MEAF6: variants seen among roughly 807,000 people sequenced by gnomAD.
MEAF6 encodes MYST/Esa1 associated factor 6.
In MEAF6, 15 loss-of-function variants were observed where a neutral mutation model predicts 28.9. That is an observed-to-expected ratio of 0.52 (90% confidence interval 0.35 to 0.80). The LOEUF is 0.80. MEAF6 is among the 30% of genes least tolerant of loss of function. MEAF6 has a pLI of 0.01. For synonymous variants in MEAF6, 97 were observed against 88.7 expected, an observed-to-expected ratio of 1.09 and a Z score of -0.53; for missense variants, 178 against 237.5, an observed-to-expected ratio of 0.75 and a Z score of 1.65.
rs1428447786 is a variant in MEAF6, at chr1:37,492,463, TA to T, written c.*1635del. On this transcript the variant is annotated 3_prime_UTR_variant, in exon 7 of 7. Coordinates refer to ENST00000296214, the MANE Select transcript of MEAF6 (RefSeq NM_001270875.3). ...AGAATGCTTCTAGGATTTTTTTTTT[TA>T]AGGAATAATCTAAATATAAGAAACT... 5 of 144,394 alleles carry T rather than the reference TA, an allele frequency of 3.5e-5. No homozygotes were observed. Among genetic ancestry groups the T allele is most frequent in the African/African-American group, 1.3e-4 (5 of 38,882 alleles). 8.9% of individuals were successfully genotyped at this position (144,394 alleles called of 1,614,324 possible).
chr1:37,507,761 G>T (rs1227279434), intron 4 of MEAF6, among the ~76,000 whole-genome samples: 1 of 151,604 alleles, frequency 6.6e-6, no homozygotes, highest in Non-Finnish European at 1.5e-5. Flanking sequence ...GAAAGCGGAG[G>T]TTGCAGTGAG....
chr1:37,499,972 C>T (rs953333394), intron 5 of MEAF6, among the ~76,000 whole-genome samples: 1 of 152,156 alleles, frequency 6.6e-6, no homozygotes, highest in South Asian at 2.1e-4. Flanking sequence ...AGTTTCCTCC[C>T]TACTCTAGAC....
intron 6 of MEAF6, among the ~76,000 whole-genome samples, chr1:37,494,735 G>A (rs1219898622): frequency 2.0e-5 from 3 of 151,826 alleles, no homozygotes; most frequent in African/African-American, 7.3e-5. Context: ...GGAGTCTGAG[G>A]TGGGAGGACG....
Position 37,495,934 on chromosome 1 carries a change from T to A in MEAF6, c.534-16A>T. On this transcript the variant is annotated splice_polypyrimidine_tract_variant and intron_variant, in intron 5 of 6. Coordinates refer to ENST00000296214, the MANE Select transcript of MEAF6 (RefSeq NM_001270875.3). ...CAGATCAATCCTGTGACAGAAAAGA[T>A]AAAAGATATTTCCATTTTAATTTAC... is the stretch of plus-strand genomic sequence containing the variant. 1.2e-6 allele frequency: 2 copies of A among 1,611,390 alleles called. No homozygotes were observed. Among genetic ancestry groups the A allele is most frequent in the South Asian group, 2.2e-5 (2 of 91,022 alleles).
At chr1:37,510,738 T>C (rs1053323311) in intron 2 of MEAF6, among the ~76,000 whole-genome samples, 26 of 152,058 alleles carry the variant, frequency 1.7e-4, no homozygotes, top group Admixed American at 7.2e-4. Flanking sequence ...ATATATTTTT[T>C]TGAGACGGAG....
At chr1:37,510,523 A>G (rs1316193595) in intron 2 of MEAF6, among the ~76,000 whole-genome samples, 1 of 150,432 alleles carries the variant, frequency 6.6e-6, no homozygotes, top group Non-Finnish European at 1.5e-5. Flanking sequence ...CTGGGACTAC[A>G]GGCGCACCCC....
intron 2 of MEAF6, among the ~76,000 whole-genome samples, chr1:37,510,445 G>C (rs956155884): frequency 4.2e-5 from 6 of 141,866 alleles, no homozygotes; most frequent in Non-Finnish European, 9.0e-5. Flanking sequence ...GCAGTGGTGC[G>C]ATCCAGGGTC....
At position 37,490,577 on chromosome 1, in the gene MEAF6, A is replaced by G. The variant is rs1156895893; in HGVS notation, c.*3522T>C. Among the ~76,000 whole-genome samples the G allele has an allele frequency of 6.6e-6, 1 of 152,186 alleles. No individual in the cohort carries two copies. The highest frequency in any genetic ancestry group is 2.4e-5 in the African/African-American group (1 of 41,444). On this transcript the variant is annotated 3_prime_UTR_variant, in exon 7 of 7. Transcript: ENST00000296214. Reference sequence around the variant, plus strand: ...GAGACAGCGTCTTGCTACGTTACTCAGGCTGAAGTGCAGTGGCCATTCACA... The same window carrying G: ...GAGACAGCGTCTTGCTACGTTACTCGGGCTGAAGTGCAGTGGCCATTCACA...
intron 4 of MEAF6, among the ~76,000 whole-genome samples, chr1:37,503,219 G>A (rs1013541273): frequency 1.3e-5 from 2 of 152,214 alleles, no homozygotes; most frequent in Non-Finnish European, 2.9e-5. Context: ...TTACAGGCAT[G>A]AGCCACGCAT....
At chr1:37,513,296 G>A (rs61779866) in intron 2 of MEAF6, 127 bp downstream of exon 2, 149,291 of 670,414 alleles carry the variant, frequency 0.22, 17,953 homozygotes, top group Middle Eastern at 0.31. Context: ...CAGAGTCCAA[G>A]AGTTCAAGTC....
intron 5 of MEAF6, among the ~76,000 whole-genome samples, chr1:37,499,763 T>C (rs1429281798): frequency 4.6e-5 from 7 of 152,212 alleles, no homozygotes; most frequent in African/African-American, 1.7e-4. Context: ...AGATAGCTCC[T>C]AGGATAGGAA....
intron 1 of MEAF6, 46 bp downstream of exon 1, chr1:37,514,602 GAGGCGGGGC>G (rs1216455984): frequency 3.6e-6 from 5 of 1,383,320 alleles, no homozygotes; most frequent in East Asian, 3.2e-5. Context: ...TTGGGGCCTG[GAGGCGGGGC>G]GGGCGCGGAG....
rs77352980 is a variant in MEAF6, at chr1:37,498,409, T to A, written c.534-2491A>T. ...ACTTATAAGAGTAGCTATGTTATTTTTTATTATTATTATTATTATTATTAT... is the reference window on the plus strand; with the variant it reads ...ACTTATAAGAGTAGCTATGTTATTTATTATTATTATTATTATTATTATTAT... On this transcript the variant is annotated intron_variant, in intron 5 of 6. Transcript: ENST00000296214. Among the ~76,000 whole-genome samples, 941 of 122,516 alleles carry A rather than the reference T, an allele frequency of 7.7e-3. 3 individuals carry two copies. The highest frequency in any genetic ancestry group is 0.021 in the East Asian group (81 of 3,860). The allele number at this position is 122,516 out of a possible 152,430, so 80.4% of individuals were successfully genotyped here.
intron 5 of MEAF6, chr1:37,500,934 C>A (rs1037002820): frequency 6.5e-6 from 1 of 154,120 alleles, no homozygotes; most frequent in Non-Finnish European, 1.5e-5. Context: ...ACCCTGGCTT[C>A]GGAACTTCTA....
Position 37,493,780 on chromosome 1 carries a change from G to A in MEAF6, c.*319C>T. 6.4e-7 allele frequency: 1 copy of A among 1,550,698 alleles called. No homozygotes were observed. Among genetic ancestry groups the A allele is most frequent in the Middle Eastern group, 1.7e-4 (1 of 5,992 alleles). On this transcript the variant is annotated 3_prime_UTR_variant, in exon 7 of 7. Transcript: ENST00000296214. The stretch of plus-strand genomic sequence containing the variant: ...TTTCTTGAAGGGTATCACAGATGAA[G>A]CTGGTGCCAGCCAGTTTTGGGGGAG...
rs771802768 is a variant in MEAF6 at position 37,494,123 on chromosome 1, C to A, written c.568-16G>T. On this transcript the variant is annotated splice_polypyrimidine_tract_variant and intron_variant, in intron 6 of 6. Coordinates refer to ENST00000296214, the MANE Select transcript of MEAF6 (RefSeq NM_001270875.3). ...TCTAATAGTCCTAAAGAAAGAAAAA[C>A]AAAAGTCCCAACTTACTCTCGGCAG... 6.3e-7 allele frequency: 1 copy of A among 1,599,362 alleles called. No homozygotes were observed.
At chr1:37,514,450 G>A (rs1487497195) in intron 1 of MEAF6, 1 of 341,692 alleles carries the variant, frequency 2.9e-6, no homozygotes. Flanking sequence ...CGCGCTCCCG[G>A]CTCTCTCCCG....
At chr1:37,498,404 TA>T (rs1642188598) in intron 5 of MEAF6, among the ~76,000 whole-genome samples, 1 of 125,502 alleles carries the variant, frequency 8.0e-6, no homozygotes, top group South Asian at 2.8e-4. Flanking sequence ...GTAGCTATGT[TA>T]TTTTTTATTA....
rs947423340 is a variant in MEAF6 at position 37,493,162 on chromosome 1, T to G, written c.*937A>C. The G allele has an allele frequency of 1.3e-5, 2 of 152,288 alleles. No individual in the cohort carries two copies. The highest frequency in any genetic ancestry group is 2.9e-5 in the Non-Finnish European group (2 of 68,074). The allele number at this position is 152,288 out of a possible 1,614,324, so 9.4% of individuals were successfully genotyped here. ...ATCACTTTTGGTATAATTTTGAGAC[T>G]TTCCATATGCCATGGTGATTTTTAG... On this transcript the variant is annotated 3_prime_UTR_variant, in exon 7 of 7. Coordinates refer to ENST00000296214, the MANE Select transcript of MEAF6 (RefSeq NM_001270875.3).
Sources: allele counts gnomAD v4.1 joint callset (sites outside exome capture counted in the v4.1 genomes callset), GRCh38; gene constraint gnomAD v4.1.1; transcripts MANE v1.5; gene names NCBI Gene and HGNC (gene_info 2026-07-23, HGNC 2026-07-21).